The following ANKRD10 variants were observed in gnomAD, a reference collection of about 807,000 sequenced individuals.
ANKRD10 encodes ankyrin repeat domain-containing protein 10.
Under a neutral mutation model 27.0 loss-of-function variants are expected in ANKRD10, and 14 were observed. The ratio of observed to expected loss-of-function variants is 0.52; its 90% CI spans 0.34 to 0.81. ANKRD10 has a LOEUF of 0.81. Among genes scored for constraint, ANKRD10 ranks in the 40% least tolerant of loss-of-function variants. The pLI is 0.01. For missense variants in ANKRD10, 493 were observed against 544.0 expected, an observed-to-expected ratio of 0.91 and a Z score of 0.93; for synonymous variants, 250 against 224.5, an observed-to-expected ratio of 1.11 and a Z score of -1.01.
intron 4 of ANKRD10, among the ~76,000 whole-genome samples, chr13:110,891,320 A>G (rs1483469934): frequency 6.6e-6 from 1 of 152,246 alleles, no homozygotes; most frequent in African/African-American, 2.4e-5. Context: ...ACATTAGAAA[A>G]AATATATTAA....
At position 110,883,707 on chromosome 13, in the gene ANKRD10, C is replaced by A. The variant is rs2064860786; in HGVS notation, c.778G>T (p.Val260Phe). The A allele has an allele frequency of 6.2e-7, 1 of 1,614,138 alleles. No individual in the cohort carries two copies. Among genetic ancestry groups the A allele is most frequent in the Non-Finnish European group, 8.5e-7 (1 of 1,179,998 alleles). Residue 260 changes from valine (V) to phenylalanine (F), a missense_variant, in exon 5 of 6, where the codon GTT becomes TTT. Val to Phe is a conservative substitution (Grantham distance 50, BLOSUM62 -1). Transcript: ENST00000267339. ...AACTGTCCACTCCCACCTGTTACAA[C>A]AGCAAACTCCCTATCAACGTGCATT... ...DKMHVDREFA[V>F]VTDMKNSSSV...
chr13:110,885,424 T>C (rs1037202911), intron 4 of ANKRD10, among the ~76,000 whole-genome samples: 2 of 152,102 alleles, frequency 1.3e-5, no homozygotes, highest in African/African-American at 4.8e-5. Context: ...GGCGAGTGCC[T>C]GTAGTCCCAG....
rs181463072 is a variant in ANKRD10, at chr13:110,892,335, C to A, written c.691+693G>T. 4.5e-5 allele frequency among the ~76,000 whole-genome samples: 6 copies of A among 133,154 alleles called. No individual in the cohort carries two copies. In the East Asian group the frequency reaches 1.4e-3, roughly 32 times the overall value. The allele number at this position is 133,154 out of a possible 152,430, so 87.4% of individuals were successfully genotyped here. A position where few individuals can be genotyped will look rare whatever the true frequency, so the allele number is the denominator to read the frequency against. ...ATCCCAGCTACTTGGGAGGCTGAGA[C>A]AGGAGAATTGCTTTAACTTGGGAGC... On this transcript the variant is annotated intron_variant, in intron 4 of 5. Transcript: ENST00000267339.
chr13:110,900,672 T>TC, intron 3 of ANKRD10: 1 of 1,351,760 alleles, frequency 7.4e-7, no homozygotes, highest in Non-Finnish European at 9.8e-7. Flanking sequence ...CTTGAAAAAA[T>TC]CAAGTCAATT....
At chr13:110,895,885 C>T (rs1284979392) in intron 3 of ANKRD10, among the ~76,000 whole-genome samples, 1 of 152,204 alleles carries the variant, frequency 6.6e-6, no homozygotes, top group Non-Finnish European at 1.5e-5. Flanking sequence ...TCCCACTTCA[C>T]TTTTTCCCCT....
intron 1 of ANKRD10, among the ~76,000 whole-genome samples, chr13:110,913,091 GTAAC>G (rs2065767528): frequency 6.6e-6 from 1 of 152,218 alleles, no homozygotes; most frequent in African/African-American, 2.4e-5. Flanking sequence ...CCATTTTAAA[GTAAC>G]TATTTTAATC....
rs913614532 is a variant in ANKRD10, at chr13:110,892,653, A to C, written c.691+375T>G. ...GACCATCAGCAATTTTTATAAGCCC[A>C]GGAACATTTACAAGAAGCAAATTAA... is the stretch of plus-strand genomic sequence containing the variant. On this transcript the variant is annotated intron_variant, in intron 4 of 5. Transcript: ENST00000267339. The C allele has an allele frequency of 2.9e-5, 25 of 855,912 alleles. No individual in the cohort carries two copies. In the African/African-American group the frequency reaches 5.2e-4, roughly 18 times the overall value. The allele number at this position is 855,912 out of a possible 1,614,324, so 53.0% of individuals were successfully genotyped here.
chr13:110,892,019 A>G (rs2065087855), intron 4 of ANKRD10, among the ~76,000 whole-genome samples: 1 of 151,506 alleles, frequency 6.6e-6, no homozygotes, highest in Non-Finnish European at 1.5e-5. Flanking sequence ...GGCCTAAGAC[A>G]TCTTATATAT....
chr13:110,883,810 G>C lies in ANKRD10; in HGVS notation c.692-17C>G, dbSNP rs376017519. 183 of 1,607,258 alleles carry C rather than the reference G, an allele frequency of 1.1e-4. No individual in the cohort carries two copies. The highest frequency in any genetic ancestry group is 4.2e-4 in the Admixed American group (25 of 59,678). ...AGCTTTGAGCTGCACAGAAAACAAA[G>C]ACTATTTCAGATTCCTTTGTCTGTA... On this transcript the variant is annotated splice_polypyrimidine_tract_variant and intron_variant, in intron 4 of 5. Transcript: ENST00000267339.
intron 3 of ANKRD10, among the ~76,000 whole-genome samples, chr13:110,902,687 T>C (rs559697654): frequency 3.9e-5 from 6 of 152,202 alleles, no homozygotes; most frequent in Non-Finnish European, 5.9e-5. Flanking sequence ...ACAGAATAAA[T>C]GGCTTCTCAA....
chr13:110,894,187 GCT>G (rs1279547723), intron 3 of ANKRD10: 1 of 1,611,150 alleles, frequency 6.2e-7, no homozygotes, highest in Non-Finnish European at 8.5e-7. Flanking sequence ...AATGTACACT[GCT>G]CTGTGAAATA....
intron 3 of ANKRD10, among the ~76,000 whole-genome samples, chr13:110,897,933 A>C (rs2138854947): frequency 6.6e-6 from 1 of 152,356 alleles, no homozygotes; most frequent in East Asian, 1.9e-4. Flanking sequence ...TTCTCTTTAG[A>C]ACGAATATTT....
rs1264072959 is a variant in ANKRD10, at chr13:110,914,875, G to C, written c.60C>G (p.Leu20=). ...VEAGFSSEEL[L]SLRFPLHRAC... ...CGCGGTGCAGCGGGAAACGGAGCGA[G>C]AGCAGCTCCTCGCTGGAGAAGCCCG... The change falls in exon 1 of 6, where the codon CTC becomes CTG. Residue 20 remains leucine, a synonymous_variant. Coordinates refer to ENST00000267339, the MANE Select transcript of ANKRD10 (RefSeq NM_017664.4). 3 of 1,547,892 alleles carry C rather than the reference G, an allele frequency of 1.9e-6. No homozygotes were observed. The African/African-American group carries it at 4.1e-5, about 21-fold the overall frequency.
chr13:110,879,727 G>C lies in ANKRD10; in HGVS notation c.1173C>G (p.Asn391Lys). ...CGGACTTGGAATGCTCGACCACACT[G>C]TTCAGTTCTGGGATGCTTTCAGCAG... is the stretch of plus-strand genomic sequence containing the variant. ...GDTAESIPEL[N>K]SVVEHSKSVK... The change falls in exon 6 of 6, where the codon AAC (asparagine) becomes AAG (lysine). Residue 391 changes from asparagine (N) to lysine (K), a missense_variant. By Grantham distance (94) the Asn-to-Lys change is moderately conservative. Coordinates refer to ENST00000267339, the MANE Select transcript of ANKRD10 (RefSeq NM_017664.4). 4.3e-6 allele frequency: 7 copies of C among 1,614,222 alleles called. No individual in the cohort carries two copies. Among genetic ancestry groups the C allele is most frequent in the Non-Finnish European group, 5.9e-6 (7 of 1,180,046 alleles).
chr13:110,914,810 A>C lies in ANKRD10; in HGVS notation c.125T>G (p.Leu42Arg). Residue 42 changes from leucine to arginine, a missense_variant, in exon 1 of 6, where the codon CTG (leucine) becomes CGG (arginine). Leu to Arg is a moderately radical substitution (Grantham distance 102). Coordinates refer to ENST00000267339, the MANE Select transcript of ANKRD10 (RefSeq NM_017664.4). ...DGDLATLCSL[L>R]QQTPHAHLAS... ...CAGGTGGGCGTGGGGTGTCTGCTGC[A>C]GCAGCGAGCAGAGCGTGGCCAGGTC... is the stretch of plus-strand genomic sequence containing the variant. 1 of 1,591,718 alleles carries C rather than the reference A, an allele frequency of 6.3e-7. No homozygotes were observed. The highest frequency in any genetic ancestry group is 8.5e-7 in the Non-Finnish European group (1 of 1,169,898).
chr13:110,885,061 C>G (rs2064891741), intron 4 of ANKRD10, among the ~76,000 whole-genome samples: 1 of 152,052 alleles, frequency 6.6e-6, no homozygotes, highest in Non-Finnish European at 1.5e-5. Flanking sequence ...AGTCAGAAGT[C>G]TGATTAGGTA....
At chr13:110,914,557 C>T (rs2065829420) in intron 1 of ANKRD10, 168 bp downstream of exon 1, 22 of 977,254 alleles carry the variant, frequency 2.3e-5, no homozygotes, top group East Asian at 3.4e-5. Context: ...CTCCGGGCCG[C>T]GAGCGCTGCC....
intron 3 of ANKRD10, among the ~76,000 whole-genome samples, chr13:110,898,850 G>C (rs1252825424): frequency 6.7e-6 from 1 of 148,580 alleles, no homozygotes; most frequent in Non-Finnish European, 1.5e-5. Context: ...CTGCCTCCCA[G>C]GTTCAAGAGA....
chr13:110,886,069 T>C (rs1442777431), intron 4 of ANKRD10, among the ~76,000 whole-genome samples: 1 of 152,236 alleles, frequency 6.6e-6, no homozygotes, highest in Non-Finnish European at 1.5e-5. Flanking sequence ...TGGCATAGCC[T>C]GTAATACAAC....
Sources: allele counts gnomAD v4.1 joint callset (sites outside exome capture counted in the v4.1 genomes callset), GRCh38; gene constraint gnomAD v4.1.1; transcripts MANE v1.5; gene names NCBI Gene and HGNC (gene_info 2026-07-23, HGNC 2026-07-21).